CHRNB1: variants seen among roughly 807,000 people sequenced by gnomAD.
CHRNB1 encodes acetylcholine receptor subunit beta.
In CHRNB1, 47 loss-of-function variants were observed where a neutral mutation model predicts 53.8. That is an observed-to-expected ratio of 0.87 (90% CI 0.69 to 1.11). The LOEUF (loss-of-function observed/expected upper bound fraction) is 1.11, where lower values mean the gene tolerates loss of function less well. Among genes scored for constraint, CHRNB1 ranks in the 50% most tolerant of loss-of-function variants. CHRNB1 has a pLI of 0.00. For missense variants in CHRNB1, 605 were observed against 654.9 expected, an observed-to-expected ratio of 0.92 and a Z score of 0.83; for synonymous variants, 259 against 263.5, an observed-to-expected ratio of 0.98 and a Z score of 0.16.
Position 7,456,951 on chromosome 17 carries a change from G to A in CHRNB1, c.*228G>A. On this transcript the variant is annotated 3_prime_UTR_variant, in exon 11 of 11. Transcript: ENST00000306071. ...TTTGGGATCTTGAAGAAGCTCTTTT[G>A]GGTATCAACACCTAGGTCGCCAGTG... 1.7e-6 allele frequency: 1 copy of A among 580,268 alleles called. No homozygotes were observed. The highest frequency in any genetic ancestry group is 3.1e-6 in the Non-Finnish European group (1 of 327,012). The allele number at this position is 580,268 out of a possible 1,614,324, so 35.9% of individuals were successfully genotyped here.
intron 10 of CHRNB1, among the ~76,000 whole-genome samples, 166 bp downstream of exon 10, chr17:7,456,107 T>A (rs992486073): frequency 4.4e-5 from 6 of 134,844 alleles, no homozygotes; most frequent in Non-Finnish European, 7.6e-5. Context: ...CAGGCTGGAG[T>A]GCAGTGGCTC....
At chr17:7,453,582 CTTTTTTTTT>C (rs71157287) in intron 7 of CHRNB1, among the ~76,000 whole-genome samples, 1 of 95,982 alleles carries the variant, frequency 1.0e-5, no homozygotes, top group African/African-American at 4.0e-5. Flanking sequence ...AAAAGCCTGT[CTTTTTTTTT>C]TTTTTTTTTT....
rs1274500712 is a variant in CHRNB1, at chr17:7,457,126, C to G, written c.*403C>G. 1 of 230,380 alleles carries G rather than the reference C, an allele frequency of 4.3e-6. No individual in the cohort carries two copies. Among genetic ancestry groups the G allele is most frequent in the Non-Finnish European group, 8.9e-6 (1 of 112,882 alleles). 14.3% of individuals were successfully genotyped at this position (230,380 alleles called of 1,614,324 possible). On this transcript the variant is annotated 3_prime_UTR_variant, in exon 11 of 11. Transcript: ENST00000306071. ...TGAGGTCGGGAGTTTGAGACCAGCC[C>G]GACCAACATGGAGAAACCCTGTCTC... is the stretch of plus-strand genomic sequence containing the variant.
intron 7 of CHRNB1, among the ~76,000 whole-genome samples, chr17:7,449,737 C>T (rs941968969): frequency 6.6e-6 from 1 of 151,802 alleles, no homozygotes; most frequent in Non-Finnish European, 1.5e-5. Context: ...CTCCTATCTC[C>T]CTGGGAAATA....
chr17:7,445,314 T>G lies in CHRNB1; in HGVS notation c.103T>G (p.Phe35Val), dbSNP rs968038340. The stretch of plus-strand genomic sequence containing the variant: ...GGAGGGTCGACTCCGGGAGAAACTT[T>G]TCTCTGGCTATGATAGCTCCGTGCG... ...EAEGRLREKL[F>V]SGYDSSVRPA... The change falls in exon 2 of 11, where the codon TTC becomes GTC. Residue 35 changes from phenylalanine to valine, a missense_variant. Phe to Val is a conservative substitution (Grantham distance 50). Coordinates refer to ENST00000306071, the MANE Select transcript of CHRNB1 (RefSeq NM_000747.3). The surrounding 1 kb of genome is among the most constrained non-coding windows in gnomAD (Gnocchi z 5.7). 2 of 1,613,072 alleles carry G rather than the reference T, an allele frequency of 1.2e-6. No individual in the cohort carries two copies. The highest frequency in any genetic ancestry group is 1.7e-6 in the Non-Finnish European group (2 of 1,179,832).
Position 7,454,323 on chromosome 17 carries a change from G to T in CHRNB1, c.847G>T (p.Ala283Ser), listed in dbSNP as rs201129045. Residue 283 changes from alanine to serine, a missense_variant, in exon 8 of 11, where the codon GCC (alanine) becomes TCC (serine). Transcript: ENST00000306071. Reference protein sequence around the residue: ...AGEKMGLSIFALLTLTVFLLL... With the variant: ...AGEKMGLSIFSLLTLTVFLLL... ...AGAGAAGATGGGGCTCTCAATCTTT[G>T]CCCTGCTGACCCTTACTGTGTTCCT... 6.2e-7 allele frequency: 1 copy of T among 1,614,106 alleles called. No homozygotes were observed. The highest frequency in any genetic ancestry group is 2.2e-5 in the East Asian group (1 of 44,886).
chr17:7,447,743 C>T, intron 6 of CHRNB1, 93 bp downstream of exon 6: 1 of 1,489,972 alleles, frequency 6.7e-7, no homozygotes, highest in Admixed American at 1.7e-5. Context: ...CAATATAGCC[C>T]TGTGGGGTCA....
Position 7,445,240 on chromosome 17 carries a change from C to CA in CHRNB1, c.59-29dup, listed in dbSNP as rs1567676270. 1.2e-6 allele frequency: 2 copies of CA among 1,612,192 alleles called. No individual in the cohort carries two copies. Among genetic ancestry groups the CA allele is most frequent in the South Asian group, 1.1e-5 (1 of 90,936 alleles). Reference sequence around the variant, plus strand: ...GGGGCCAGCGGTCGTGGCCAGGCACCAGGGCTGCACTTATTCTCTCCTCCC... The same window carrying CA: ...GGGGCCAGCGGTCGTGGCCAGGCACCAAGGGCTGCACTTATTCTCTCCTCCC... On this transcript the variant is annotated intron_variant, in intron 1 of 10. Transcript: ENST00000306071. This position sits in a 1 kb window ranked among gnomAD's most constrained non-coding sequence, Gnocchi z 5.7.
Position 7,447,203 on chromosome 17 carries a change from T to G in CHRNB1, c.462+52T>G, listed in dbSNP as rs1232467243. 3 of 1,458,938 alleles carry G rather than the reference T, an allele frequency of 2.1e-6. No homozygotes were observed. The Admixed American group carries it at 5.1e-5, about 25-fold the overall frequency. The allele number at this position is 1,458,938 out of a possible 1,614,324, so 90.4% of individuals were successfully genotyped here. On this transcript the variant is annotated intron_variant, in intron 5 of 10. Coordinates refer to ENST00000306071, the MANE Select transcript of CHRNB1 (RefSeq NM_000747.3). ...AAGGAGCTCTTACAAATCCTCCCTT[T>G]CCTTAGACATCCTGACTCCCCGGCG...
At chr17:7,446,041 C>T (rs557336295) in intron 2 of CHRNB1, 28 bp from the exon 3 acceptor site, 2 of 1,612,386 alleles carry the variant, frequency 1.2e-6, no homozygotes, top group African/African-American at 1.3e-5. Context: ...CCTACTTCAC[C>T]TTTACGCCTT....
At chr17:7,447,436 G>T (rs1030795391) in intron 5 of CHRNB1, 67 bp from the exon 6 acceptor site, 4 of 1,590,930 alleles carry the variant, frequency 2.5e-6, no homozygotes, top group Non-Finnish European at 3.4e-6. Flanking sequence ...CCTCCCCAAA[G>T]ACCTCCCAAA....
At chr17:7,454,969 A>T (rs1307543991) in intron 8 of CHRNB1, among the ~76,000 whole-genome samples, 1 of 151,596 alleles carries the variant, frequency 6.6e-6, no homozygotes, top group African/African-American at 2.4e-5. Flanking sequence ...CGCCCAGCTA[A>T]TTTTTGTATT....
In CHRNB1 at chr17:7,448,767, T is replaced by C; in HGVS notation, c.799T>C (p.Phe267Leu). The change falls in exon 7 of 11, where the codon TTC becomes CTC. Residue 267 changes from phenylalanine to leucine, a missense_variant. Transcript: ENST00000306071. ...CATCACTCTTCTGGCCATCTTCGTC[T>C]TCTACCTGCCACCAGATGCAGGTAA... is the stretch of plus-strand genomic sequence containing the variant. ...ILITLLAIFV[F>L]YLPPDAGEKM... 1 of 1,614,220 alleles carries C rather than the reference T, an allele frequency of 6.2e-7. No homozygotes were observed. The highest frequency in any genetic ancestry group is 8.5e-7 in the Non-Finnish European group (1 of 1,180,028).
chr17:7,445,393 C>T lies in CHRNB1; in HGVS notation c.182C>T (p.Ala61Val), dbSNP rs1015239523. The change falls in exon 2 of 11, where the codon GCG becomes GTG. Residue 61 changes from alanine (A) to valine (V), a missense_variant. Coordinates refer to ENST00000306071, the MANE Select transcript of CHRNB1 (RefSeq NM_000747.3). The surrounding 1 kb of genome is among the most constrained non-coding windows in gnomAD (Gnocchi z 5.7). ...RVRVSVGLIL[A>V]QLISLNEKDE... ...AGGGTCAGCGTTGGTCTCATCCTGG[C>T]GCAACTCATCAGCCTGGTGAGGGCG... The T allele has an allele frequency of 2.5e-6, 4 of 1,611,550 alleles. No individual in the cohort carries two copies. The African/African-American group carries it at 4.0e-5, about 16-fold the overall frequency.
Position 7,457,004 on chromosome 17 carries a change from T to C in CHRNB1, c.*281T>C, listed in dbSNP as rs3855924. The C allele has an allele frequency of 0.17, 75,265 of 455,056 alleles. 6,688 individuals are homozygous for C. The highest frequency in any genetic ancestry group is 0.21 in the South Asian group (9,710 of 46,036). The allele number at this position is 455,056 out of a possible 1,614,324, so 28.2% of individuals were successfully genotyped here. A position where few individuals can be genotyped will look rare whatever the true frequency, so the allele number is the denominator to read the frequency against. On this transcript the variant is annotated 3_prime_UTR_variant, in exon 11 of 11. Coordinates refer to ENST00000306071, the MANE Select transcript of CHRNB1 (RefSeq NM_000747.3). ...ATAGAACACAGAACAGGAACTAGAT[T>C]ATAAGCCTTATGAGGTCAAGAAATG...
chr17:7,446,211 A>G, intron 3 of CHRNB1, 98 bp downstream of exon 3: 1 of 1,055,014 alleles, frequency 9.5e-7, no homozygotes, highest in African/African-American at 1.6e-5. Context: ...TCATGACTTT[A>G]GATAACACGT....
chr17:7,445,962 G>C lies in CHRNB1; in HGVS notation c.199-107G>C, dbSNP rs1367133537. On this transcript the variant is annotated intron_variant, in intron 2 of 10. Coordinates refer to ENST00000306071, the MANE Select transcript of CHRNB1 (RefSeq NM_000747.3). The surrounding 1 kb of genome is among the most constrained non-coding windows in gnomAD (Gnocchi z 5.7). ...GGTGGACTTGGACCCGAGAGGATGGGGCTCAGAAAAAGGGGGCGGCGTTCC... is the reference window on the plus strand; with the variant it reads ...GGTGGACTTGGACCCGAGAGGATGGCGCTCAGAAAAAGGGGGCGGCGTTCC... The C allele has an allele frequency of 4.1e-6, 4 of 974,102 alleles. No individual in the cohort carries two copies. In the Admixed American group the frequency reaches 5.3e-5, roughly 13 times the overall value. 60.3% of individuals were successfully genotyped at this position (974,102 alleles called of 1,614,324 possible).
intron 3 of CHRNB1, 186 bp from the exon 4 acceptor site, chr17:7,446,647 G>A (rs1908644076): frequency 1.2e-5 from 7 of 606,166 alleles, no homozygotes; most frequent in Admixed American, 1.1e-4. Flanking sequence ...TGCGGGGGAG[G>A]GAAATTAGCT....
In CHRNB1 at chr17:7,455,906, G is replaced by A. The variant is rs372649805; in HGVS notation, c.1330G>A (p.Ala444Thr). 5.0e-6 allele frequency: 8 copies of A among 1,613,968 alleles called. No individual in the cohort carries two copies. The African/African-American group carries it at 1.1e-4, about 22-fold the overall frequency. Residue 444 changes from alanine (A) to threonine (T), a missense_variant, in exon 10 of 11, where the codon GCT becomes ACT. Transcript: ENST00000306071. ...GGTCGTCTCCTCTATCAGCTACATC[G>A]CTCGACAGCTGCAGGAACAGGAGGA... ...REVVSSISYI[A>T]RQLQEQEDHD...
Sources: gnomAD v4.1 joint callset for allele counts (sites outside exome capture counted in the v4.1 genomes callset) on GRCh38, gnomAD v4.1.1 for gene constraint, Gnocchi (gnomAD v3.1) non-coding constraint, MANE v1.5 for transcripts, NCBI Gene and HGNC (gene_info 2026-07-23, HGNC 2026-07-21) for gene names.